KSR2: variants seen among roughly 807,000 people sequenced by gnomAD.
KSR2 encodes the protein kinase suppressor of ras 2.
KSR2 carries 25 observed loss-of-function variants against 107.8 expected under a neutral mutation model. The observed-to-expected ratio is 0.23, with a 90% confidence interval of 0.17 to 0.32. KSR2 has a LOEUF of 0.32. KSR2 is among the 10% of genes least tolerant of loss of function. The pLI, the probability that KSR2 is intolerant of heterozygous loss-of-function variation, is 1.00. For missense variants in KSR2, 887 were observed against 1,268.9 expected, an observed-to-expected ratio of 0.70 and a Z score of 4.57; for synonymous variants, 480 against 507.0, an observed-to-expected ratio of 0.95 and a Z score of 0.71.
intron 4 of KSR2, among the ~76,000 whole-genome samples, chr12:117,756,592 G>A (rs1483408274): frequency 6.6e-6 from 1 of 152,206 alleles, no homozygotes; most frequent in African/African-American, 2.4e-5. Flanking sequence ...TGATGAAGAT[G>A]TACAAACAGA....
chr12:117,651,670 C>T (rs1816713726), intron 5 of KSR2, among the ~76,000 whole-genome samples: 1 of 152,148 alleles, frequency 6.6e-6, no homozygotes, highest in South Asian at 2.1e-4. Flanking sequence ...GCCTGATCTC[C>T]CTTGGTTTAA....
intron 5 of KSR2, among the ~76,000 whole-genome samples, chr12:117,630,564 C>A (rs1565934709): frequency 6.6e-6 from 1 of 152,026 alleles, no homozygotes; most frequent in Admixed American, 6.6e-5. Flanking sequence ...TCGGATTTGC[C>A]TTTTCAAAGA....
intron 14 of KSR2, among the ~76,000 whole-genome samples, chr12:117,514,812 T>G (rs1093287): frequency 0.67 from 101,391 of 151,860 alleles, 34,842 homozygotes; most frequent in East Asian, 0.95. Context: ...CCTCCCAAAG[T>G]GCTGCAATTA....
At chr12:117,524,695 T>G (rs758122962) in intron 14 of KSR2, among the ~76,000 whole-genome samples, 157 bp downstream of exon 14, 10 of 152,216 alleles carry the variant, frequency 6.6e-5, no homozygotes, top group Non-Finnish European at 1.3e-4. Context: ...AAGTATTTTC[T>G]GGAATCTTAA....
chr12:117,525,354 C>G, intron 13 of KSR2, 135 bp from the exon 14 acceptor site: 1 of 996,206 alleles, frequency 1.0e-6, no homozygotes, highest in East Asian at 2.7e-5. Flanking sequence ...TGCAGACATA[C>G]GTCCCTCTGT....
chr12:117,669,823 G>A (rs1472368400), intron 4 of KSR2, among the ~76,000 whole-genome samples: 1 of 152,016 alleles, frequency 6.6e-6, no homozygotes, highest in Non-Finnish European at 1.5e-5. Context: ...AGCTACGGTT[G>A]TACCACTGCA....
chr12:117,898,376 G>A (rs1272330714), intron 1 of KSR2, among the ~76,000 whole-genome samples: 1 of 150,790 alleles, frequency 6.6e-6, no homozygotes, highest in Non-Finnish European at 1.5e-5. Flanking sequence ...CTGTTGCCCA[G>A]GCTGGAGTGA....
intron 1 of KSR2, among the ~76,000 whole-genome samples, chr12:117,880,109 G>A (rs1399621308): frequency 1.3e-5 from 2 of 152,140 alleles, no homozygotes; most frequent in African/African-American, 4.8e-5. Flanking sequence ...TTGTGCCATT[G>A]CACTCCAGCC....
At chr12:117,551,088 G>A (rs1877270395) in intron 9 of KSR2, among the ~76,000 whole-genome samples, 1 of 152,198 alleles carries the variant, frequency 6.6e-6, no homozygotes, top group Admixed American at 6.5e-5. Context: ...TTCAGCCTCT[G>A]CCACTACTGC....
chr12:117,471,063 G>A, intron 18 of KSR2, 128 bp downstream of exon 18: 1 of 1,120,750 alleles, frequency 8.9e-7, no homozygotes, highest in Non-Finnish European at 1.2e-6. Context: ...TGACAAGGTT[G>A]GAATGCATAT....
chr12:117,761,799 A>G (rs1365444835), intron 3 of KSR2, among the ~76,000 whole-genome samples: 7 of 152,196 alleles, frequency 4.6e-5, no homozygotes, highest in Middle Eastern at 3.2e-3. Context: ...ATCATATCAT[A>G]TGCATGTTAC....
intron 7 of KSR2, among the ~76,000 whole-genome samples, chr12:117,566,719 C>T (rs1878517259): frequency 6.6e-6 from 1 of 152,196 alleles, no homozygotes; most frequent in Non-Finnish European, 1.5e-5. Context: ...TGTGTTCCTC[C>T]TCTGTGCCAA....
At chr12:117,799,487 C>T (rs572634668) in intron 3 of KSR2, among the ~76,000 whole-genome samples, 132 of 145,962 alleles carry the variant, frequency 9.0e-4, no homozygotes, top group Middle Eastern at 3.5e-3. Context: ...GGCAACAGAG[C>T]GAAGACTCCA....
chr12:117,493,898 CT>C (rs1228028740), intron 14 of KSR2, among the ~76,000 whole-genome samples: 4 of 152,170 alleles, frequency 2.6e-5, no homozygotes, highest in Non-Finnish European at 5.9e-5. Flanking sequence ...CTCATTTTCT[CT>C]TGCTGCTGCC....
intron 3 of KSR2, among the ~76,000 whole-genome samples, chr12:117,828,806 C>T (rs1891849714): frequency 1.3e-5 from 2 of 152,206 alleles, no homozygotes. Flanking sequence ...ACTCTAGGTC[C>T]TTGTCCCTTA....
chr12:117,565,292 G>A (rs1332248406), intron 7 of KSR2, among the ~76,000 whole-genome samples: 1 of 152,104 alleles, frequency 6.6e-6, no homozygotes, highest in Non-Finnish European at 1.5e-5. Flanking sequence ...ATTTTTTCTT[G>A]TTCCATGCCA....
chr12:117,851,785 G>C (rs933337653), intron 3 of KSR2, among the ~76,000 whole-genome samples: 1 of 152,036 alleles, frequency 6.6e-6, no homozygotes, highest in African/African-American at 2.4e-5. Flanking sequence ...CAGCTACTCA[G>C]GAGGCTGAGG....
At chr12:117,856,748 G>C (rs1893115452) in intron 2 of KSR2, among the ~76,000 whole-genome samples, 1 of 152,076 alleles carries the variant, frequency 6.6e-6, no homozygotes, top group South Asian at 2.1e-4. Flanking sequence ...AAGTAAATAA[G>C]GGTGAAATAG....
intron 10 of KSR2, 108 bp downstream of exon 10, chr12:117,539,602 CCCATTCGCT>C: frequency 1.0e-6 from 1 of 975,028 alleles, no homozygotes; most frequent in Non-Finnish European, 1.5e-6. Context: ...TGGTCATTGA[CCCATTCGCT>C]TTCCTGCAGA....
Sources: gnomAD v4.1 joint callset for allele counts (sites outside exome capture counted in the v4.1 genomes callset) on GRCh38, gnomAD v4.1.1 for gene constraint, MANE v1.5 for transcripts, NCBI Gene and HGNC (gene_info 2026-07-23, HGNC 2026-07-21) for gene names.